The following STEAP1B variants were observed in gnomAD, a reference collection of about 807,000 sequenced individuals.
STEAP1B encodes STEAP family protein MGC87042.
A neutral mutation model predicts 27.9 loss-of-function variants in STEAP1B; 13 were observed. The ratio of observed to expected loss-of-function variants is 0.47; its 90% CI spans 0.30 to 0.74. STEAP1B has a LOEUF of 0.74. Ranked by LOEUF, STEAP1B falls within the 30% of genes least tolerant of loss-of-function variation. The pLI, the probability that STEAP1B is intolerant of heterozygous loss-of-function variation, is 0.06. For missense variants in STEAP1B, 250 were observed against 298.7 expected, an observed-to-expected ratio of 0.84 and a Z score of 1.20; for synonymous variants, 86 against 107.1, an observed-to-expected ratio of 0.80 and a Z score of 1.22.
chr7:22,499,337 T>C (rs1320560887), intron 1 of STEAP1B, among the ~76,000 whole-genome samples: 6 of 152,026 alleles, frequency 3.9e-5, no homozygotes, highest in Admixed American at 1.3e-4. Context: ...TACTTTCAAG[T>C]GCACACTTGT....
At chr7:22,449,447 A>G (rs1785453517) in intron 4 of STEAP1B, among the ~76,000 whole-genome samples, 1 of 152,226 alleles carries the variant, frequency 6.6e-6, no homozygotes, top group African/African-American at 2.4e-5. Context: ...ATCTCCAGTT[A>G]CATTCATGCT....
intron 4 of STEAP1B, among the ~76,000 whole-genome samples, chr7:22,451,307 T>G (rs1055896473): frequency 3.9e-5 from 6 of 152,220 alleles, no homozygotes; most frequent in East Asian, 1.9e-4. Flanking sequence ...AGTTTTTTTT[T>G]TGTGAAGTCT....
chr7:22,448,010 T>C (rs541161872), intron 4 of STEAP1B, among the ~76,000 whole-genome samples: 13 of 152,350 alleles, frequency 8.5e-5, no homozygotes, highest in African/African-American at 3.1e-4. Context: ...CTTTCAGTTG[T>C]ATTTACCCTA....
chr7:22,443,387 T>C (rs1280406854), intron 4 of STEAP1B, among the ~76,000 whole-genome samples: 1 of 152,164 alleles, frequency 6.6e-6, no homozygotes, highest in African/African-American at 2.4e-5. Flanking sequence ...AAGCACCCAT[T>C]GTATGCCAGG....
chr7:22,487,424 C>T (rs1007147082), intron 4 of STEAP1B, among the ~76,000 whole-genome samples: 2 of 151,960 alleles, frequency 1.3e-5, no homozygotes, highest in African/African-American at 2.4e-5. Context: ...AAAACCAAGA[C>T]TTGATAGTTA....
Position 22,489,471 on chromosome 7 carries a change from T to TGTGACC in STEAP1B, c.762+3088_762+3093dup, listed in dbSNP as rs534884789. ...AGTCATAAGCCCAAGTACCTGTGAC[T>TGTGACC]GTGACCTTACTGGGAGATAGGGTCT... On this transcript the variant is annotated intron_variant, in intron 4 of 4. Transcript: ENST00000678116. Among the ~76,000 whole-genome samples, 117 of 152,362 alleles carry TGTGACC rather than the reference T, an allele frequency of 7.7e-4. 2 individuals are homozygous for TGTGACC. In the East Asian group the frequency reaches 0.018, roughly 24 times the overall value.
intron 4 of STEAP1B, among the ~76,000 whole-genome samples, chr7:22,452,496 T>C (rs948340262): frequency 2.0e-5 from 3 of 152,106 alleles, no homozygotes; most frequent in African/African-American, 7.2e-5. Context: ...AATGTGCAGA[T>C]TCTAGCTTCA....
At position 22,442,292 on chromosome 7, in the gene STEAP1B, A is replaced by C. The variant is rs376810227; in HGVS notation, c.763-22456T>G. On this transcript the variant is annotated intron_variant, in intron 4 of 4. Coordinates refer to ENST00000678116, the MANE Select transcript of STEAP1B (RefSeq NM_001382447.1). ...CAAGGGAAAGTGACTGACATTAAGT[A>C]AACATGATTCTTTACACAGCACACC... Among the ~76,000 whole-genome samples, 39 of 152,382 alleles carry C rather than the reference A, an allele frequency of 2.6e-4. No individual in the cohort carries two copies. In the South Asian group the frequency reaches 7.9e-3, roughly 31 times the overall value.
intron 1 of STEAP1B, among the ~76,000 whole-genome samples, chr7:22,498,671 T>C (rs535633218): frequency 2.9e-4 from 44 of 152,338 alleles, no homozygotes; most frequent in African/African-American, 9.9e-4. Flanking sequence ...GGTAGAGCGA[T>C]GTATCCTAGA....
intron 4 of STEAP1B, among the ~76,000 whole-genome samples, chr7:22,452,643 A>C (rs1785509618): frequency 6.6e-6 from 1 of 152,182 alleles, no homozygotes; most frequent in African/African-American, 2.4e-5. Context: ...TCCTCTCCCC[A>C]AATCAATAGA....
chr7:22,461,328 T>A (rs1785675004), intron 4 of STEAP1B, among the ~76,000 whole-genome samples: 1 of 152,190 alleles, frequency 6.6e-6, no homozygotes, highest in African/African-American at 2.4e-5. Flanking sequence ...AATGGCATGA[T>A]CTCGGCTCAC....
intron 4 of STEAP1B, among the ~76,000 whole-genome samples, chr7:22,469,875 T>C (rs1174790548): frequency 6.6e-6 from 1 of 152,108 alleles, no homozygotes; most frequent in African/African-American, 2.4e-5. Context: ...GTTACAAATA[T>C]GGAAAGGAGA....
intron 1 of STEAP1B, among the ~76,000 whole-genome samples, chr7:22,498,122 T>A (rs184784770): frequency 0.11 from 15,987 of 152,080 alleles, 1,035 homozygotes; most frequent in African/African-American, 0.16. Flanking sequence ...CAGGCAGTAA[T>A]GCTCGCTGGC....
At chr7:22,490,105 A>G (rs1166381608) in intron 4 of STEAP1B, among the ~76,000 whole-genome samples, 1 of 152,194 alleles carries the variant, frequency 6.6e-6, no homozygotes, top group Non-Finnish European at 1.5e-5. Flanking sequence ...TTTGAAAACA[A>G]TCCAAAAGAT....
chr7:22,489,833 T>C (rs935719737), intron 4 of STEAP1B, among the ~76,000 whole-genome samples: 1 of 152,220 alleles, frequency 6.6e-6, no homozygotes, highest in Non-Finnish European at 1.5e-5. Flanking sequence ...TGTCATTGAA[T>C]CTATAAATTA....
chr7:22,479,843 G>A (rs10278029), intron 4 of STEAP1B, among the ~76,000 whole-genome samples: 2 of 151,638 alleles, frequency 1.3e-5, no homozygotes, highest in East Asian at 1.9e-4. Flanking sequence ...CACCGGCGAC[G>A]CCCAGCCGAT....
At chr7:22,429,448 T>C (rs1165275293) in intron 4 of STEAP1B, among the ~76,000 whole-genome samples, 1 of 152,244 alleles carries the variant, frequency 6.6e-6, no homozygotes, top group Non-Finnish European at 1.5e-5. Context: ...AGTAATCTTC[T>C]ATTATCCACA....
chr7:22,438,609 T>C (rs1583631821), intron 4 of STEAP1B: 3 of 1,552,222 alleles, frequency 1.9e-6, no homozygotes, highest in East Asian at 2.4e-5. Flanking sequence ...AAATGAAGTA[T>C]ATATAACTCC....
chr7:22,451,540 C>T (rs920343841), intron 4 of STEAP1B, among the ~76,000 whole-genome samples: 9 of 152,096 alleles, frequency 5.9e-5, no homozygotes, highest in Non-Finnish European at 4.4e-5. Flanking sequence ...TGGTCTGTCA[C>T]GTGGCTTTTT....
Sources: gnomAD v4.1 joint callset for allele counts (sites outside exome capture counted in the v4.1 genomes callset) on GRCh38, gnomAD v4.1.1 for gene constraint, MANE v1.5 for transcripts, NCBI Gene and HGNC (gene_info 2026-07-23, HGNC 2026-07-21) for gene names.